Variants in RBM33 observed in about 807,000 individuals in gnomAD.
The protein encoded by RBM33 is RNA-binding protein 33.
RBM33 carries 28 observed loss-of-function variants against 132.6 expected under a neutral mutation model. The ratio of observed to expected loss-of-function variants is 0.21; its 90% CI spans 0.16 to 0.29. RBM33 has a LOEUF of 0.29. Ranked by LOEUF, RBM33 falls within the 10% of genes least tolerant of loss-of-function variation. RBM33 has a pLI of 1.00. For synonymous variants in RBM33, 634 were observed against 593.0 expected, an observed-to-expected ratio of 1.07 and a Z score of -1.01; for missense variants, 1,291 against 1,518.5, an observed-to-expected ratio of 0.85 and a Z score of 2.49.
At chr7:155,684,988 A>G (rs1799434159) in intron 5 of RBM33, 5 of 1,550,518 alleles carry the variant, frequency 3.2e-6, no homozygotes, top group Non-Finnish European at 4.4e-6. Context: ...GAGCAGGAAG[A>G]CTGTGTGGCT....
At position 155,709,300 on chromosome 7, in the gene RBM33, G is replaced by A. The variant is rs193286185; in HGVS notation, c.949-1903G>A. Among the ~76,000 whole-genome samples the A allele has an allele frequency of 3.2e-3, 480 of 152,180 alleles. 1 individual carries two copies. The highest frequency in any genetic ancestry group is 4.7e-3 in the Non-Finnish European group (323 of 68,018). On this transcript the variant is annotated intron_variant, in intron 7 of 17. Coordinates refer to ENST00000401878, the MANE Select transcript of RBM33 (RefSeq NM_053043.3). Reference sequence around the variant, plus strand: ...GATTATAAAAAGCTAATTAACATTGGCATCCCCTTAAATACTTCCTGGTTT... The same window carrying A: ...GATTATAAAAAGCTAATTAACATTGACATCCCCTTAAATACTTCCTGGTTT...
intron 4 of RBM33, among the ~76,000 whole-genome samples, chr7:155,680,079 TAAAC>T (rs749227209): frequency 4.6e-5 from 7 of 152,376 alleles, no homozygotes; most frequent in Non-Finnish European, 8.8e-5. Flanking sequence ...TTGATTTTCT[TAAAC>T]AGGAGTTTAT....
intron 10 of RBM33, 82 bp downstream of exon 10, chr7:155,737,744 A>G (rs2117024164): frequency 3.6e-6 from 5 of 1,389,240 alleles, no homozygotes; most frequent in Admixed American, 3.1e-5. Flanking sequence ...TTGTAAACTG[A>G]ATTGAACTCC....
At chr7:155,718,061 A>G (rs778737721) in intron 8 of RBM33, among the ~76,000 whole-genome samples, 4 of 152,192 alleles carry the variant, frequency 2.6e-5, no homozygotes, top group Non-Finnish European at 5.9e-5. Context: ...TTATCTGTAT[A>G]GGGATAGGAG....
chr7:155,776,920 G>A lies in RBM33; in HGVS notation c.*1879G>A, dbSNP rs558893434. 17 of 152,298 alleles carry A rather than the reference G, an allele frequency of 1.1e-4. No individual in the cohort carries two copies. Among genetic ancestry groups the A allele is most frequent in the Non-Finnish European group, 2.4e-4 (16 of 68,042 alleles). 9.4% of individuals were successfully genotyped at this position (152,298 alleles called of 1,614,324 possible). ...CAGTCCACAGCTGCGTTGGAGTGGT[G>A]ACTTTGGTAGCCCTTGAGCTCTAAT... On this transcript the variant is annotated 3_prime_UTR_variant, in exon 18 of 18. Transcript: ENST00000401878. The surrounding 1 kb of genome is among the most constrained non-coding windows in gnomAD (Gnocchi z 4.0).
In RBM33 at chr7:155,678,330, T is replaced by C. The variant is rs572517285; in HGVS notation, c.172-278T>C. ...TTATTTGTTCGTAAGCTTCCACCAATGGACTTCTTACCTTTTCTCTTTTGT... is the reference window on the plus strand; with the variant it reads ...TTATTTGTTCGTAAGCTTCCACCAACGGACTTCTTACCTTTTCTCTTTTGT... On this transcript the variant is annotated intron_variant, in intron 3 of 17. Transcript: ENST00000401878. 2.6e-5 allele frequency among the ~76,000 whole-genome samples: 4 copies of C among 152,362 alleles called. No individual in the cohort carries two copies. The South Asian group carries it at 8.3e-4, about 32-fold the overall frequency.
chr7:155,744,279 A>G (rs1041269449), intron 13 of RBM33, among the ~76,000 whole-genome samples: 5 of 152,192 alleles, frequency 3.3e-5, no homozygotes, highest in East Asian at 3.8e-4. Context: ...CATTTTCCCT[A>G]TTGGATGCTT....
intron 1 of RBM33, among the ~76,000 whole-genome samples, chr7:155,662,912 T>G (rs902519301): frequency 6.6e-6 from 1 of 152,180 alleles, no homozygotes; most frequent in African/African-American, 2.4e-5. Context: ...GAGTGGAGTC[T>G]TAGCATTACT....
At chr7:155,694,766 C>A (rs1799746048) in intron 5 of RBM33, among the ~76,000 whole-genome samples, 1 of 152,078 alleles carries the variant, frequency 6.6e-6, no homozygotes, top group Non-Finnish European at 1.5e-5. Flanking sequence ...TAATTTATTC[C>A]ATTTTATGGA....
In RBM33 at chr7:155,774,780, C is replaced by T. The variant is rs368552132; in HGVS notation, c.3464+133C>T. On this transcript the variant is annotated intron_variant, in intron 17 of 17. Coordinates refer to ENST00000401878, the MANE Select transcript of RBM33 (RefSeq NM_053043.3). This position sits in a 1 kb window ranked among gnomAD's most constrained non-coding sequence, Gnocchi z 4.2. ...TGTAGAAGGACACTAGGGCACAAAG[C>T]GCAGACGGTGATCCTGTCATGAGGC... The T allele has an allele frequency of 1.9e-5, 16 of 845,328 alleles. No homozygotes were observed. Among genetic ancestry groups the T allele is most frequent in the Middle Eastern group, 3.3e-4 (1 of 3,018 alleles). 52.4% of individuals were successfully genotyped at this position (845,328 alleles called of 1,614,324 possible).
At chr7:155,696,014 CT>C (rs1222320258) in intron 5 of RBM33, among the ~76,000 whole-genome samples, 2 of 152,112 alleles carry the variant, frequency 1.3e-5, no homozygotes, top group East Asian at 3.8e-4. Flanking sequence ...GTTGTAATGA[CT>C]TTCCTTTCCC....
intron 14 of RBM33, among the ~76,000 whole-genome samples, chr7:155,748,727 T>A (rs1801598487): frequency 6.6e-6 from 1 of 152,132 alleles, no homozygotes; most frequent in African/African-American, 2.4e-5. Flanking sequence ...TTTTCCTTGG[T>A]CCTTGTCATT....
intron 14 of RBM33, among the ~76,000 whole-genome samples, chr7:155,759,771 A>G (rs1801974343): frequency 2.0e-5 from 3 of 152,204 alleles, no homozygotes; most frequent in Admixed American, 2.0e-4. Context: ...ACATGCAAAT[A>G]ATAACATCCT....
chr7:155,666,700 A>G (rs549274632), intron 2 of RBM33, among the ~76,000 whole-genome samples: 54 of 152,112 alleles, frequency 3.6e-4, no homozygotes, highest in Non-Finnish European at 6.5e-4. Flanking sequence ...TGGTCTGTTC[A>G]TATCTGTTTT....
chr7:155,739,647 T>C (rs1418654331), intron 11 of RBM33, 68 bp from the exon 12 acceptor site: 49 of 1,446,058 alleles, frequency 3.4e-5, no homozygotes, highest in Non-Finnish European at 4.3e-5. Context: ...TTTTAGGAAA[T>C]GATTGAAGTG....
intron 3 of RBM33, among the ~76,000 whole-genome samples, chr7:155,673,940 G>GTTGTTGTTTTTTTTTTTGTTT: frequency 1.8e-5 from 1 of 54,214 alleles, no homozygotes; most frequent in African/African-American, 8.3e-5. Flanking sequence ...TTTAGGCTTA[G>GTTGTTGTTTTTTTTTTTGTTT]TTTTTTTTTT....
chr7:155,695,770 T>G (rs946603485), intron 5 of RBM33, among the ~76,000 whole-genome samples: 6 of 152,218 alleles, frequency 3.9e-5, no homozygotes, highest in African/African-American at 1.2e-4. Context: ...CTCATTTTCT[T>G]AAATATGTCT....
At chr7:155,759,578 C>T (rs1228150602) in intron 14 of RBM33, among the ~76,000 whole-genome samples, 13 of 151,976 alleles carry the variant, frequency 8.6e-5, no homozygotes, top group South Asian at 2.1e-4. Flanking sequence ...CCACCGCGCC[C>T]GGCTAATTTT....
chr7:155,742,840 G>A (rs898746150), intron 13 of RBM33, among the ~76,000 whole-genome samples: 7 of 152,248 alleles, frequency 4.6e-5, no homozygotes, highest in Non-Finnish European at 8.8e-5. Flanking sequence ...ATCTGGTAAA[G>A]GAGGGTCGGC....
Sources: allele counts gnomAD v4.1 joint callset (sites outside exome capture counted in the v4.1 genomes callset), GRCh38; gene constraint gnomAD v4.1.1; non-coding constraint Gnocchi (gnomAD v3.1); transcripts MANE v1.5; gene names NCBI Gene and HGNC (gene_info 2026-07-23, HGNC 2026-07-21).